AKIP1: variants seen among roughly 807,000 people sequenced by gnomAD.
AKIP1 encodes A-kinase-interacting protein 1.
In AKIP1, 18 loss-of-function variants were observed where a neutral mutation model predicts 22.3. The ratio of observed to expected loss-of-function variants is 0.81; its 90% CI spans 0.56 to 1.19. The LOEUF is 1.19. Ranked by LOEUF, AKIP1 falls within the 50% of genes most tolerant of loss-of-function variation. The pLI, the probability that AKIP1 is intolerant of heterozygous loss-of-function variation, is 0.00. For synonymous variants in AKIP1, 120 were observed against 102.7 expected, an observed-to-expected ratio of 1.17 and a Z score of -1.02; for missense variants, 287 against 264.6, an observed-to-expected ratio of 1.08 and a Z score of -0.59.
At chr11:8,912,155 C>T (rs2064380021) in intron 2 of AKIP1, among the ~76,000 whole-genome samples, 1 of 149,732 alleles carries the variant, frequency 6.7e-6, no homozygotes, top group Non-Finnish European at 1.5e-5. Flanking sequence ...CGAGATCGCG[C>T]CATTGCACTC....
In AKIP1 at chr11:8,911,578, G is replaced by A. The variant is rs767387556; in HGVS notation, c.129G>A (p.Glu43=). The part of the protein sequence containing the change: ...KRRAVDWHAL[E]RPKGCMGVLA... The stretch of plus-strand genomic sequence containing the variant: ...GGGCGGTGGACTGGCATGCCCTGGA[G>A]CGTCCCAAAGGCTGCATGGGGGTCC... Residue 43 remains glutamate (E), a synonymous_variant, in exon 2 of 6, where the codon GAG becomes GAA. Transcript: ENST00000309377. The A allele has an allele frequency of 1.2e-6, 2 of 1,611,362 alleles. No individual in the cohort carries two copies. The highest frequency in any genetic ancestry group is 3.3e-5 in the Admixed American group (2 of 59,708).
At chr11:8,913,559 A>G (rs1032647718) in intron 3 of AKIP1, among the ~76,000 whole-genome samples, 1 of 152,228 alleles carries the variant, frequency 6.6e-6, no homozygotes, top group African/African-American at 2.4e-5. Context: ...CCTGCATGGA[A>G]GGCACTGTCT....
chr11:8,917,330 A>G lies in AKIP1; in HGVS notation c.452A>G (p.Tyr151Cys), dbSNP rs1430055004. The G allele has an allele frequency of 1.2e-6, 2 of 1,613,456 alleles. No individual in the cohort carries two copies. Among genetic ancestry groups the G allele is most frequent in the African/African-American group, 2.7e-5 (2 of 74,920 alleles). The part of the protein sequence containing the change: ...KKTSLGPGGS[Y>C]QISEHAPEAS... ...ACATCCCTTGGTCCTGGAGGCAGCT[A>G]TCAAATATCAGAGCATGCTCCAGAG... Residue 151 changes from tyrosine to cysteine, a missense_variant, in exon 5 of 6, where the codon TAT becomes TGT. Physicochemically the swap from Tyr to Cys is radical, Grantham distance 194 (BLOSUM62 -2). Coordinates refer to ENST00000309377, the MANE Select transcript of AKIP1 (RefSeq NM_020642.4).
At chr11:8,911,699 C>G in intron 2 of AKIP1, 28 bp downstream of exon 2, 2 of 1,474,504 alleles carry the variant, frequency 1.4e-6, no homozygotes, top group Non-Finnish European at 9.0e-7. Context: ...GGGGGCCGCC[C>G]CAGTCCTTCG....
At position 8,919,465 on chromosome 11, in the gene AKIP1, G is replaced by A; in HGVS notation, c.618G>A (p.Leu206=). 3.1e-6 allele frequency: 5 copies of A among 1,613,604 alleles called. No individual in the cohort carries two copies. The highest frequency in any genetic ancestry group is 4.2e-6 in the Non-Finnish European group (5 of 1,179,898). Residue 206 remains leucine, a synonymous_variant, in exon 6 of 6, where the codon CTG becomes CTA. Coordinates refer to ENST00000309377, the MANE Select transcript of AKIP1 (RefSeq NM_020642.4). ...VAVDSGQSVD[L]VFPV Reference sequence around the variant, plus strand: ...TTGATTCTGGACAAAGCGTGGACCTGGTCTTCCCTGTGTGATGTTGACCAT... The same window carrying A: ...TTGATTCTGGACAAAGCGTGGACCTAGTCTTCCCTGTGTGATGTTGACCAT...
intron 2 of AKIP1, 52 bp from the exon 3 acceptor site, chr11:8,912,401 C>T (rs1589916597): frequency 6.7e-7 from 1 of 1,487,292 alleles, no homozygotes; most frequent in Non-Finnish European, 9.4e-7. Flanking sequence ...TGGCTTCATT[C>T]TCCAGTAGGG....
intron 3 of AKIP1, among the ~76,000 whole-genome samples, chr11:8,913,195 A>G (rs546881134): frequency 0.013 from 1,515 of 116,510 alleles, 35 homozygotes; most frequent in African/African-American, 0.048. Context: ...TTTTTTTTTT[A>G]ATTGAGACAG....
intron 4 of AKIP1, among the ~76,000 whole-genome samples, chr11:8,915,665 G>T (rs1368182576): frequency 4.0e-5 from 6 of 149,048 alleles, no homozygotes; most frequent in African/African-American, 1.5e-4. Flanking sequence ...TTGAGAGGGA[G>T]TCTCACTCTG....
chr11:8,914,713 C>T, intron 3 of AKIP1, 113 bp from the exon 4 acceptor site: 1 of 718,540 alleles, frequency 1.4e-6, no homozygotes, highest in East Asian at 2.6e-5. Context: ...GCAGGTAATT[C>T]ACCTTTGCTC....
rs764343582 is a variant in AKIP1 at position 8,919,453 on chromosome 11, A to T, written c.606A>T (p.Gln202His). 1 of 1,614,178 alleles carries T rather than the reference A, an allele frequency of 6.2e-7. No individual in the cohort carries two copies. Among genetic ancestry groups the T allele is most frequent in the East Asian group, 2.2e-5 (1 of 44,886 alleles). Residue 202 changes from glutamine (Q) to histidine (H), a missense_variant, in exon 6 of 6, where the codon CAA (glutamine) becomes CAT (histidine). Physicochemically the swap from Gln to His is conservative, Grantham distance 24 (BLOSUM62 0). Transcript: ENST00000309377. The part of the protein sequence containing the change: ...KTHVVAVDSG[Q>H]SVDLVFPV ...ATGTGGTAGCAGTTGATTCTGGACA[A>T]AGCGTGGACCTGGTCTTCCCTGTGT...
At chr11:8,915,819 CTTT>C (rs1258666817) in intron 4 of AKIP1, among the ~76,000 whole-genome samples, 3 of 124,022 alleles carry the variant, frequency 2.4e-5, no homozygotes, top group Admixed American at 8.7e-5. Flanking sequence ...ATTTTTCTTT[CTTT>C]TTTTTTTTTT....
chr11:8,913,169 G>A (rs1360612931), intron 3 of AKIP1, among the ~76,000 whole-genome samples: 3 of 141,478 alleles, frequency 2.1e-5, no homozygotes, highest in Non-Finnish European at 4.6e-5. Flanking sequence ...GTGAGCCACC[G>A]TGCCCGACCT....
Position 8,919,647 on chromosome 11 carries a change from G to GT in AKIP1, c.*176dup, listed in dbSNP as rs1488309356. On this transcript the variant is annotated 3_prime_UTR_variant, in exon 6 of 6. Transcript: ENST00000309377. ...CAGTGCTTTTTTGTTTGTTTGGTTG[G>GT]TTTTTTTTTGAGACAGTCTCACTCT... is the stretch of plus-strand genomic sequence containing the variant. 9.9e-4 allele frequency: 721 copies of GT among 726,886 alleles called. No homozygotes were observed. Among genetic ancestry groups the GT allele is most frequent in the Middle Eastern group, 4.2e-3 (10 of 2,376 alleles). 45.0% of individuals were successfully genotyped at this position (726,886 alleles called of 1,614,324 possible).
intron 2 of AKIP1, 29 bp from the exon 3 acceptor site, chr11:8,912,424 A>C: frequency 6.3e-7 from 1 of 1,583,836 alleles, no homozygotes; most frequent in Non-Finnish European, 8.7e-7. Flanking sequence ...TCCTAGAGCT[A>C]ACCTGTGACG....
In AKIP1 at chr11:8,911,658, T is replaced by G; in HGVS notation, c.209T>G (p.Val70Gly). Reference protein sequence around the residue: ...EKQPAAGPQRVLPGEREERPP... With the variant: ...EKQPAAGPQRGLPGEREERPP... Reference sequence around the variant, plus strand: ...CAGCCGGCAGCCGGCCCGCAGCGCGTTCTCCCGGGAGAGGTGAGGGTCGCT... The same window carrying G: ...CAGCCGGCAGCCGGCCCGCAGCGCGGTCTCCCGGGAGAGGTGAGGGTCGCT... The change falls in exon 2 of 6, where the codon GTT becomes GGT. Residue 70 changes from valine (V) to glycine (G), a missense_variant. Val to Gly is a moderately radical substitution (Grantham distance 109, BLOSUM62 -3). Coordinates refer to ENST00000309377, the MANE Select transcript of AKIP1 (RefSeq NM_020642.4). 1 of 1,560,590 alleles carries G rather than the reference T, an allele frequency of 6.4e-7. No homozygotes were observed. Among genetic ancestry groups the G allele is most frequent in the Non-Finnish European group, 8.6e-7 (1 of 1,156,182 alleles).
intron 3 of AKIP1, among the ~76,000 whole-genome samples, chr11:8,913,433 G>A (rs1311138858): frequency 4.7e-5 from 7 of 149,870 alleles, no homozygotes; most frequent in Non-Finnish European, 8.9e-5. Context: ...AGGGATCCGC[G>A]CATCTTGGCC....
In AKIP1 at chr11:8,912,484, C is replaced by T. The variant is rs1449037348; in HGVS notation, c.254C>T (p.Ser85Phe). ...GAGAGACCCCCAACCCTTAGTGCTT[C>T]CTTCAGAACAATGGCTGAATTCATG... ...REERPPTLSA[S>F]FRTMAEFMDY... is the part of the protein sequence containing the mutation. Residue 85 changes from serine (S) to phenylalanine (F), a missense_variant, in exon 3 of 6, where the codon TCC (serine) becomes TTC (phenylalanine). By Grantham distance (155) the Ser-to-Phe change is radical (BLOSUM62 -2). Transcript: ENST00000309377. 6.2e-7 allele frequency: 1 copy of T among 1,614,146 alleles called. No individual in the cohort carries two copies. The highest frequency in any genetic ancestry group is 1.1e-5 in the South Asian group (1 of 91,080).
At chr11:8,914,487 G>C (rs554693979) in intron 3 of AKIP1, among the ~76,000 whole-genome samples, 3 of 152,296 alleles carry the variant, frequency 2.0e-5, no homozygotes, top group Admixed American at 6.5e-5. Context: ...TTTTAGGGGA[G>C]GAAATGAAAG....
intron 4 of AKIP1, 117 bp downstream of exon 4, chr11:8,915,047 A>C: frequency 1.5e-6 from 1 of 683,542 alleles, no homozygotes; most frequent in East Asian, 2.6e-5. Context: ...TTGGCATTAC[A>C]GTGCTTAACA....
Sources: allele counts gnomAD v4.1 joint callset (sites outside exome capture counted in the v4.1 genomes callset), GRCh38; gene constraint gnomAD v4.1.1; transcripts MANE v1.5; gene names NCBI Gene and HGNC (gene_info 2026-07-23, HGNC 2026-07-21).